Variants in LMO7 observed in about 807,000 individuals in gnomAD.
LMO7 encodes the protein LIM domain 7.
Under a neutral mutation model 206.5 loss-of-function variants are expected in LMO7, and 120 were observed. The ratio of observed to expected loss-of-function variants is 0.58; its 90% CI spans 0.50 to 0.68. The LOEUF is 0.68. Among genes scored for constraint, LMO7 ranks in the 30% least tolerant of loss-of-function variants. The pLI is 0.00. For missense variants in LMO7, 1,959 were observed against 1,957.9 expected, an observed-to-expected ratio of 1.00 and a Z score of -0.01; for synonymous variants, 706 against 681.5, an observed-to-expected ratio of 1.04 and a Z score of -0.56.
At chr13:75,758,131 T>G (rs1287747817) in intron 3 of LMO7, among the ~76,000 whole-genome samples, 1 of 152,170 alleles carries the variant, frequency 6.6e-6, no homozygotes, top group East Asian at 1.9e-4. Flanking sequence ...CAAAGTTAAC[T>G]TGGAGTCCTG....
chr13:75,636,209 G>A (rs1285823476), upstream of LMO7: 23 of 804,422 alleles, frequency 2.9e-5, no homozygotes, highest in East Asian at 1.3e-4. Flanking sequence ...CCGGGAGCCC[G>A]GGGAGCCAAG....
intron 7 of LMO7, among the ~76,000 whole-genome samples, chr13:75,801,258 T>C (rs1235791195): frequency 1.3e-5 from 2 of 151,932 alleles, no homozygotes; most frequent in Non-Finnish European, 2.9e-5. Context: ...AAAAATCTTC[T>C]AGTTTCTGAG....
chr13:75,713,718 T>C (rs1356303446), intron 2 of LMO7, among the ~76,000 whole-genome samples: 1 of 152,172 alleles, frequency 6.6e-6, no homozygotes, highest in Non-Finnish European at 1.5e-5. Context: ...CAAAATCAAT[T>C]TGAGTTGTGG....
At chr13:75,742,262 A>T (rs2046476477) in intron 3 of LMO7, among the ~76,000 whole-genome samples, 1 of 152,240 alleles carries the variant, frequency 6.6e-6, no homozygotes, top group Non-Finnish European at 1.5e-5. Flanking sequence ...AAAACATTTC[A>T]TGTTCATGAA....
At chr13:75,839,296 C>T (rs541939463) in intron 20 of LMO7, among the ~76,000 whole-genome samples, 2 of 152,228 alleles carry the variant, frequency 1.3e-5, no homozygotes, top group South Asian at 4.2e-4. Flanking sequence ...CATTTTTCTT[C>T]AACAGGCTAT....
intron 1 of LMO7, chr13:75,688,888 T>C (rs552512919): frequency 2.8e-4 from 42 of 152,334 alleles, no homozygotes; most frequent in African/African-American, 9.4e-4. Context: ...GATCATTCCC[T>C]ATGAGCTGCC....
intron 19 of LMO7, among the ~76,000 whole-genome samples, chr13:75,837,656 T>G (rs916745809): frequency 6.6e-6 from 1 of 152,190 alleles, no homozygotes; most frequent in African/African-American, 2.4e-5. Flanking sequence ...GGTCGTAACT[T>G]TAGTATTTTG....
Position 75,796,621 on chromosome 13 carries a change from T to C in LMO7, c.349-15T>C, listed in dbSNP as rs766727100. 1.0e-6 allele frequency: 1 copy of C among 992,494 alleles called. No individual in the cohort carries two copies. The highest frequency in any genetic ancestry group is 1.3e-6 in the Non-Finnish European group (1 of 751,258). The allele number at this position is 992,494 out of a possible 1,614,324, so 61.5% of individuals were successfully genotyped here. A position where few individuals can be genotyped will look rare whatever the true frequency, so the allele number is the denominator to read the frequency against. ...TCGACTGATCTTGTTGTTCATGGAT[T>C]TTTTTTTTTTTAAGGTTTTGATAAC... On this transcript the variant is annotated splice_polypyrimidine_tract_variant and intron_variant, in intron 5 of 30. Transcript: ENST00000377534.
chr13:75,624,160 G>C (rs539537815), intron 2 of LMO7, among the ~76,000 whole-genome samples: 1 of 152,240 alleles, frequency 6.6e-6, no homozygotes, highest in South Asian at 2.1e-4. Flanking sequence ...TTTGCCTCTG[G>C]TTGGGTGTTG....
At chr13:75,672,773 A>C (rs1015502474) in intron 1 of LMO7, among the ~76,000 whole-genome samples, 4 of 150,252 alleles carry the variant, frequency 2.7e-5, no homozygotes, top group Non-Finnish European at 4.4e-5. Context: ...ATGATATCTC[A>C]TACTTTTGAT....
At chr13:75,714,432 C>G (rs2043358603) in intron 2 of LMO7, among the ~76,000 whole-genome samples, 1 of 152,106 alleles carries the variant, frequency 6.6e-6, no homozygotes, top group Non-Finnish European at 1.5e-5. Flanking sequence ...TCTATCTTGT[C>G]AGCTCTGTTG....
intron 11 of LMO7, among the ~76,000 whole-genome samples, chr13:75,811,203 TTTCTC>T: frequency 2.3e-5 from 3 of 127,724 alleles, no homozygotes; most frequent in African/African-American, 6.2e-5. Flanking sequence ...TCTTTTTTTC[TTTCTC>T]TTTTTTTTTT....
intron 3 of LMO7, among the ~76,000 whole-genome samples, chr13:75,734,582 T>C (rs182246662): frequency 3.9e-5 from 6 of 152,194 alleles, no homozygotes; most frequent in African/African-American, 1.4e-4. Context: ...GTTATGAAAA[T>C]GTCATTAAAT....
chr13:75,833,321 A>C (rs576857653), intron 16 of LMO7, among the ~76,000 whole-genome samples, 156 bp downstream of exon 16: 7 of 152,274 alleles, frequency 4.6e-5, no homozygotes, highest in African/African-American at 1.2e-4. Context: ...TCCTGAGATT[A>C]TTAGTTGGGG....
intron 1 of LMO7, among the ~76,000 whole-genome samples, chr13:75,704,214 C>T (rs946068584): frequency 2.6e-5 from 4 of 152,238 alleles, no homozygotes; most frequent in Middle Eastern, 3.4e-3. Flanking sequence ...GGTCATGATA[C>T]GTGAACACTT....
At chr13:75,656,798 C>T (rs1486423087) in intron 1 of LMO7, among the ~76,000 whole-genome samples, 2 of 152,326 alleles carry the variant, frequency 1.3e-5, no homozygotes, top group African/African-American at 4.8e-5. Context: ...GGACCCCACC[C>T]TGTGAAGAAG....
At chr13:75,740,691 T>A (rs2046338573) in intron 3 of LMO7, among the ~76,000 whole-genome samples, 1 of 152,192 alleles carries the variant, frequency 6.6e-6, no homozygotes, top group African/African-American at 2.4e-5. Flanking sequence ...GACTCCCTCA[T>A]CCTTGCCTGA....
At chr13:75,643,544 GC>G (rs1399713349) in intron 1 of LMO7, among the ~76,000 whole-genome samples, 1 of 152,132 alleles carries the variant, frequency 6.6e-6, no homozygotes, top group African/African-American at 2.4e-5. Context: ...ATCTCCTTAA[GC>G]CTGTTAACTA....
intron 2 of LMO7, among the ~76,000 whole-genome samples, chr13:75,715,450 G>A (rs1169488223): frequency 2.2e-4 from 34 of 152,050 alleles, no homozygotes; most frequent in Admixed American, 2.2e-3. Context: ...TTTTCTAATT[G>A]GAATTTTTCT....
Sources: gnomAD v4.1 joint callset for allele counts (sites outside exome capture counted in the v4.1 genomes callset) on GRCh38, gnomAD v4.1.1 for gene constraint, MANE v1.5 for transcripts, NCBI Gene and HGNC (gene_info 2026-07-23, HGNC 2026-07-21) for gene names.